The following FXR1 variants were observed in gnomAD, a reference collection of about 807,000 sequenced individuals.
FXR1 encodes FMR1 autosomal homolog 1, also known as RNA-binding protein FXR1.
In FXR1, 15 loss-of-function variants were observed where a neutral mutation model predicts 84.0. The observed-to-expected ratio is 0.18, with a 90% CI of 0.12 to 0.27. The LOEUF is 0.27. Ranked by LOEUF, FXR1 falls within the 10% of genes least tolerant of loss-of-function variation. The probability of loss-of-function intolerance (pLI) is 1.00; values close to 1 mark genes in which losing one functional copy is unlikely to be tolerated. For synonymous variants in FXR1, 245 were observed against 250.7 expected, an observed-to-expected ratio of 0.98 and a Z score of 0.21; for missense variants, 480 against 774.4, an observed-to-expected ratio of 0.62 and a Z score of 4.51.
At chr3:180,969,314 T>C (rs1042759863) in intron 14 of FXR1, among the ~76,000 whole-genome samples, 6 of 152,250 alleles carry the variant, frequency 3.9e-5, no homozygotes, top group African/African-American at 1.4e-4. Context: ...TTATGATTAA[T>C]GGATACGCTT....
intron 3 of FXR1, among the ~76,000 whole-genome samples, chr3:180,940,978 T>C (rs909885915): frequency 1.3e-5 from 2 of 152,236 alleles, no homozygotes; most frequent in African/African-American, 4.8e-5. Flanking sequence ...TATTCATAGT[T>C]AAAATAGGAA....
intron 1 of FXR1, among the ~76,000 whole-genome samples, chr3:180,926,318 GCTTC>G (rs1169957405): frequency 6.6e-6 from 1 of 151,816 alleles, no homozygotes; most frequent in Non-Finnish European, 1.5e-5. Context: ...ACTTCCTTTT[GCTTC>G]CTTAAGAGAA....
At chr3:180,968,927 A>G (rs961475488) in intron 14 of FXR1, among the ~76,000 whole-genome samples, 1 of 152,176 alleles carries the variant, frequency 6.6e-6, no homozygotes, top group African/African-American at 2.4e-5. Flanking sequence ...AGATACATAG[A>G]CTATATTAAG....
chr3:180,928,699 A>G (rs1719525508), intron 1 of FXR1, among the ~76,000 whole-genome samples: 1 of 152,060 alleles, frequency 6.6e-6, no homozygotes, highest in Non-Finnish European at 1.5e-5. Context: ...TTTTTTGTAT[A>G]AAATTTTTAT....
In FXR1 at chr3:180,957,919, C is replaced by T. The variant is rs1464546517; in HGVS notation, c.981C>T (p.Pro327=). The T allele has an allele frequency of 6.9e-7, 1 of 1,447,352 alleles. No individual in the cohort carries two copies. The highest frequency in any genetic ancestry group is 9.6e-7 in the Non-Finnish European group (1 of 1,039,448). 89.7% of individuals were successfully genotyped at this position (1,447,352 alleles called of 1,614,324 possible). A position where few individuals can be genotyped will look rare whatever the true frequency, so the allele number is the denominator to read the frequency against. The change falls in exon 10 of 17, where the codon CCC becomes CCT. Residue 327 remains proline, a synonymous_variant. Coordinates refer to ENST00000357559, the MANE Select transcript of FXR1 (RefSeq NM_005087.4). The part of the protein sequence containing the change: ...RIEGDNENKL[P]REDGMVPFVF... ...AAGGGGACAATGAAAATAAATTACC[C>T]AGAGAAGACGTAAGTATTTAAAATG...
chr3:180,975,645 A>G (rs1258806365), intron 16 of FXR1, among the ~76,000 whole-genome samples: 1 of 152,214 alleles, frequency 6.6e-6, no homozygotes, highest in African/African-American at 2.4e-5. Context: ...GCCCAAAGAT[A>G]CTGGGCATAG....
intron 8 of FXR1, 144 bp downstream of exon 8, chr3:180,951,612 CTTAT>C: frequency 1.8e-6 from 1 of 542,186 alleles, no homozygotes; most frequent in Admixed American, 3.6e-5. Flanking sequence ...AGTAGTCTTA[CTTAT>C]GAAGCTGAAT....
chr3:180,929,481 A>G (rs1719630436), intron 1 of FXR1, among the ~76,000 whole-genome samples: 1 of 152,210 alleles, frequency 6.6e-6, no homozygotes, highest in Non-Finnish European at 1.5e-5. Context: ...GTGTTTGCAT[A>G]TGTATGGGAA....
At chr3:180,955,445 A>C (rs1211211244) in intron 9 of FXR1, among the ~76,000 whole-genome samples, 4 of 152,146 alleles carry the variant, frequency 2.6e-5, no homozygotes, top group Admixed American at 1.3e-4. Flanking sequence ...ATTCAATATA[A>C]ACTTGAAGAA....
intron 7 of FXR1, among the ~76,000 whole-genome samples, chr3:180,950,835 GTTCA>G (rs1560003182): frequency 6.6e-6 from 1 of 152,090 alleles, no homozygotes; most frequent in East Asian, 1.9e-4. Context: ...ACCACATTAT[GTTCA>G]TTCATTAATT....
chr3:180,970,381 GAAATATATATATATATATATATATAT>G (rs1267279852), intron 15 of FXR1, 23 bp downstream of exon 15: 2 of 474,562 alleles, frequency 4.2e-6, no homozygotes, highest in African/African-American at 6.9e-5. Flanking sequence ...TTAGGGAAGA[GAAATATATATATATATATATATATAT>G]ATATATATAT....
In FXR1 at chr3:180,940,645, C is replaced by T. The variant is rs190982817; in HGVS notation, c.198+5414C>T. Among the ~76,000 whole-genome samples, 185 of 150,640 alleles carry T rather than the reference C, an allele frequency of 1.2e-3. 2 individuals are homozygous for T. Among genetic ancestry groups the T allele is most frequent in the Non-Finnish European group, 5.4e-4 (37 of 67,890 alleles). ...AGGCTCTAGTGCAATGGCGCCATCT[C>T]GGCTCAGCGCAACCTCCGCCTCCTG... On this transcript the variant is annotated intron_variant, in intron 3 of 16. Transcript: ENST00000357559.
chr3:180,919,283 T>G (rs1718270369), intron 1 of FXR1, among the ~76,000 whole-genome samples: 1 of 118,860 alleles, frequency 8.4e-6, no homozygotes, highest in African/African-American at 4.5e-5. Context: ...TTTTTTTTTA[T>G]TTTTGTTTTT....
At chr3:180,926,506 A>T (rs58348976) in intron 1 of FXR1, among the ~76,000 whole-genome samples, 69,200 of 124,224 alleles carry the variant, frequency 0.56, 19,248 homozygotes, top group African/African-American at 0.73. Flanking sequence ...ATATATATAT[A>T]TTTTTTTTTC....
intron 1 of FXR1, among the ~76,000 whole-genome samples, chr3:180,916,837 C>G (rs138371754): frequency 6.6e-6 from 1 of 152,116 alleles, no homozygotes; most frequent in Non-Finnish European, 1.5e-5. Context: ...GGTAGAGTTA[C>G]ATTTTTTTGT....
At chr3:180,914,657 T>A in intron 1 of FXR1, 1 of 521,778 alleles carries the variant, frequency 1.9e-6, no homozygotes, top group Non-Finnish European at 2.5e-6. Flanking sequence ...TCCAGTCAAT[T>A]CACAATGAAT....
intron 8 of FXR1, among the ~76,000 whole-genome samples, chr3:180,952,896 G>C (rs1217127335): frequency 6.8e-6 from 1 of 147,412 alleles, no homozygotes; most frequent in Non-Finnish European, 1.5e-5. Context: ...GCAGTGGCGT[G>C]ATCATAGCTC....
At chr3:180,924,514 G>A (rs1718943939) in intron 1 of FXR1, among the ~76,000 whole-genome samples, 1 of 152,202 alleles carries the variant, frequency 6.6e-6, no homozygotes. Flanking sequence ...GACAACAGAT[G>A]AGATTCTGAC....
intron 1 of FXR1, among the ~76,000 whole-genome samples, chr3:180,924,182 T>A (rs576952857): frequency 6.6e-6 from 1 of 152,132 alleles, no homozygotes; most frequent in East Asian, 1.9e-4. Context: ...ACTCCTGACC[T>A]CAGGTGATCT....
Sources: gnomAD v4.1 joint callset for allele counts (sites outside exome capture counted in the v4.1 genomes callset) on GRCh38, gnomAD v4.1.1 for gene constraint, MANE v1.5 for transcripts, NCBI Gene and HGNC (gene_info 2026-07-23, HGNC 2026-07-21) for gene names.